The following GALNS variants were observed in gnomAD, a reference collection of about 807,000 sequenced individuals.
The protein encoded by GALNS is galactosamine (N-acetyl)-6-sulfatase, also known as N-acetylgalactosamine-6-sulfatase.
A neutral mutation model predicts 65.9 loss-of-function variants in GALNS; 65 were observed. The ratio of observed to expected loss-of-function variants is 0.99; its 90% CI spans 0.81 to 1.21. The LOEUF (loss-of-function observed/expected upper bound fraction) is 1.21, where lower values mean the gene tolerates loss of function less well. GALNS is among the 50% of genes most tolerant of loss of function. The pLI is 0.00. For synonymous variants in GALNS, 346 were observed against 288.9 expected (o/e 1.20, Z -2.00); for missense variants, 776 against 700.7 (o/e 1.11, Z -1.21).
chr16:88,838,025 CGGT>C, intron 4 of GALNS: 1 of 495,660 alleles, frequency 2.0e-6, no homozygotes, highest in Non-Finnish European at 3.7e-6. Flanking sequence ...GTTCCCTGCA[CGGT>C]GAAGGGTGGT....
intron 6 of GALNS, 35 bp downstream of exon 6, chr16:88,836,166 G>A (rs369852811): frequency 1.3e-5 from 20 of 1,598,590 alleles, no homozygotes; most frequent in South Asian, 8.8e-5. Context: ...GTCCCCATGC[G>A]TCCCACAGGG....
intron 7 of GALNS, 31 bp downstream of exon 7, chr16:88,835,694 G>A (rs1214627897): frequency 5.0e-6 from 8 of 1,613,250 alleles, no homozygotes; most frequent in African/African-American, 4.0e-5. Flanking sequence ...GGCCTCCAGC[G>A]AGGTCTATGC....
intron 10 of GALNS, among the ~76,000 whole-genome samples, chr16:88,826,192 G>A (rs1180349895): frequency 1.3e-5 from 2 of 150,022 alleles, no homozygotes; most frequent in African/African-American, 4.9e-5. Context: ...AACAGGGGTG[G>A]GGCGGGCAGG....
At position 88,814,334 on chromosome 16, in the gene GALNS, T is replaced by C. The variant is rs1909407674; in HGVS notation, c.*105A>G. The C allele has an allele frequency of 6.9e-7, 1 of 1,447,752 alleles. No individual in the cohort carries two copies. The highest frequency in any genetic ancestry group is 9.5e-7 in the Non-Finnish European group (1 of 1,056,100). 89.7% of individuals were successfully genotyped at this position (1,447,752 alleles called of 1,614,324 possible). Reference sequence around the variant, plus strand: ...CCTGCGTCTGCAGGTGCTGTCTGTCTGGCTTGGGCAGGGTTGGGGGAGGAC... The same window carrying C: ...CCTGCGTCTGCAGGTGCTGTCTGTCCGGCTTGGGCAGGGTTGGGGGAGGAC... On this transcript the variant is annotated 3_prime_UTR_variant, in exon 14 of 14. Transcript: ENST00000268695.
At chr16:88,847,993 C>T (rs1416010348) in intron 1 of GALNS, among the ~76,000 whole-genome samples, 2 of 152,268 alleles carry the variant, frequency 1.3e-5, no homozygotes, top group African/African-American at 2.4e-5. Context: ...TCCCTCCACA[C>T]TGTGGACCAT....
chr16:88,851,017 C>T (rs1489035436), intron 1 of GALNS, among the ~76,000 whole-genome samples: 4 of 152,346 alleles, frequency 2.6e-5, no homozygotes, highest in South Asian at 4.1e-4. Context: ...ACGTCCCACA[C>T]GTGGGCCTTC....
chr16:88,824,751 G>C lies in GALNS; in HGVS notation c.1242+16C>G. 6.2e-7 allele frequency: 1 copy of C among 1,608,340 alleles called. No homozygotes were observed. On this transcript the variant is annotated intron_variant, in intron 11 of 13. Transcript: ENST00000268695. ...TGGGGGCAGCTCCGCCTGCGCCCACGTCCCGAGCCCTGTACCTGTCTGAAG... is the reference window on the plus strand; with the variant it reads ...TGGGGGCAGCTCCGCCTGCGCCCACCTCCCGAGCCCTGTACCTGTCTGAAG...
At chr16:88,826,566 T>C in intron 10 of GALNS, 136 bp downstream of exon 10, 1 of 1,076,814 alleles carries the variant, frequency 9.3e-7, no homozygotes, top group Non-Finnish European at 1.3e-6. Flanking sequence ...CACCCCTGCC[T>C]CCTCCTGCCC....
At chr16:88,855,319 C>T (rs1967754321) in intron 1 of GALNS, 1 of 700,326 alleles carries the variant, frequency 1.4e-6, no homozygotes, top group East Asian at 2.7e-5. Flanking sequence ...CTATGCTGGC[C>T]CAGAAGGAGT....
Position 88,856,445 on chromosome 16 carries a change from A to ACC in GALNS, c.120+311_120+312dup, listed in dbSNP as rs1431014890. On this transcript the variant is annotated intron_variant, in intron 1 of 13. Coordinates refer to ENST00000268695, the MANE Select transcript of GALNS (RefSeq NM_000512.5). ...GGCAGGGCCCGGTAGCACGCCGGCC[A>ACC]CCCACCTGCCAGGGAGGACGCTGTC... is the stretch of plus-strand genomic sequence containing the variant. 5 of 700,128 alleles carry ACC rather than the reference A, an allele frequency of 7.1e-6. No homozygotes were observed. The East Asian group carries it at 1.3e-4, about 19-fold the overall frequency. 43.4% of individuals were successfully genotyped at this position (700,128 alleles called of 1,614,324 possible).
Position 88,826,763 on chromosome 16 carries a change from C to G in GALNS, c.1078G>C (p.Asp360His). 1 of 1,609,942 alleles carries G rather than the reference C, an allele frequency of 6.2e-7. No individual in the cohort carries two copies. Among genetic ancestry groups the G allele is most frequent in the Non-Finnish European group, 8.5e-7 (1 of 1,178,702 alleles). Residue 360 changes from aspartate (D) to histidine (H), a missense_variant, in exon 10 of 14, where the codon GAC (aspartate) becomes CAC (histidine). Coordinates refer to ENST00000268695, the MANE Select transcript of GALNS (RefSeq NM_000512.5). ...AGGTTGAGGCCATCAATGGCCCTGT[C>G]GCTGGGCGGCGTCAGGCCCGCAAGG... ...LALAGLTPPS[D>H]RAIDGLNLLP... is the part of the protein sequence containing the mutation.
intron 4 of GALNS, among the ~76,000 whole-genome samples, chr16:88,839,378 C>T (rs1358087842): frequency 2.6e-5 from 4 of 152,266 alleles, no homozygotes; most frequent in African/African-American, 9.6e-5. Flanking sequence ...AGCACATGGG[C>T]AGGACGCTAC....
At chr16:88,842,353 C>T in intron 2 of GALNS, 1 of 510,538 alleles carries the variant, frequency 2.0e-6, no homozygotes. Context: ...GCAGGAGAGA[C>T]TCTCCCCAGG....
chr16:88,837,823 T>C (rs993239207), intron 4 of GALNS, 58 bp from the exon 5 acceptor site: 1 of 1,588,286 alleles, frequency 6.3e-7, no homozygotes, highest in African/African-American at 1.3e-5. Context: ...TCGGAAGTTC[T>C]GAGCAGCAAC....
intron 9 of GALNS, among the ~76,000 whole-genome samples, chr16:88,830,349 T>C (rs118127692): frequency 0.015 from 2,289 of 150,510 alleles, 21 homozygotes; most frequent in Non-Finnish European, 0.024. Flanking sequence ...GCTACTAGGA[T>C]TGGGAAAAGG....
At chr16:88,855,787 G>A (rs1455832055) in intron 1 of GALNS, 1 of 527,830 alleles carries the variant, frequency 1.9e-6, no homozygotes, top group African/African-American at 1.9e-5. Context: ...TGTGGCCCGT[G>A]GCCCCCACTG....
At chr16:88,824,376 G>A (rs1056277635) in intron 11 of GALNS, among the ~76,000 whole-genome samples, 1 of 152,078 alleles carries the variant, frequency 6.6e-6, no homozygotes, top group Non-Finnish European at 1.5e-5. Context: ...CTGTGGTGAT[G>A]CCAATGCTGC....
intron 1 of GALNS, chr16:88,855,234 T>C (rs1333155799): frequency 1.4e-6 from 1 of 698,808 alleles, no homozygotes; most frequent in Non-Finnish European, 2.6e-6. Context: ...CACCCCTCTG[T>C]CCTCTGAGAA....
intron 10 of GALNS, 114 bp downstream of exon 10, chr16:88,826,588 A>T: frequency 2.3e-6 from 3 of 1,293,400 alleles, no homozygotes; most frequent in Non-Finnish European, 3.2e-6. Flanking sequence ...GGGCACGAGC[A>T]CGCCTGTGTC....
Sources: gnomAD v4.1 joint callset for allele counts (sites outside exome capture counted in the v4.1 genomes callset) on GRCh38, gnomAD v4.1.1 for gene constraint, MANE v1.5 for transcripts, NCBI Gene and HGNC (gene_info 2026-07-23, HGNC 2026-07-21) for gene names.